ZFR2: variants seen among roughly 807,000 people sequenced by gnomAD.
ZFR2 encodes the protein zinc finger RNA binding protein 2, also known as zinc finger RNA-binding protein 2.
In ZFR2, 104 loss-of-function variants were observed where a neutral mutation model predicts 105.7. The ratio of observed to expected loss-of-function variants is 0.98; its 90% CI spans 0.84 to 1.16. The LOEUF is 1.16. Among genes scored for constraint, ZFR2 ranks in the 50% most tolerant of loss-of-function variants. ZFR2 has a pLI of 0.00. For missense variants in ZFR2, 1,425 were observed against 1,355.5 expected (o/e 1.05, Z -0.80); for synonymous variants, 634 against 597.7 (o/e 1.06, Z -0.89).
At chr19:3,868,222 C>T (rs1423763800) in intron 1 of ZFR2, among the ~76,000 whole-genome samples, 1 of 150,854 alleles carries the variant, frequency 6.6e-6, no homozygotes, top group Non-Finnish European at 1.5e-5. Context: ...GGGGCCAATT[C>T]CTCACCCCTC....
At chr19:3,855,597 TA>T in intron 1 of ZFR2, 1 of 495,384 alleles carries the variant, frequency 2.0e-6, no homozygotes, top group Non-Finnish European at 3.2e-6. Context: ...GTCAGCAAAA[TA>T]ATTCAACGCG....
chr19:3,839,536 C>CA (rs60712587), intron 1 of ZFR2, among the ~76,000 whole-genome samples: 1 of 36,590 alleles, frequency 2.7e-5, no homozygotes. Flanking sequence ...GGGATTCTGT[C>CA]AAAAAAAAAA....
chr19:3,839,160 A>T (rs1305021594), intron 1 of ZFR2, among the ~76,000 whole-genome samples: 1 of 152,104 alleles, frequency 6.6e-6, no homozygotes, highest in Non-Finnish European at 1.5e-5. Context: ...AAACATTCAG[A>T]TTCCACAGAT....
At chr19:3,864,376 A>C (rs2038406919) in intron 1 of ZFR2, among the ~76,000 whole-genome samples, 1 of 88,718 alleles carries the variant, frequency 1.1e-5, no homozygotes, top group Non-Finnish European at 2.3e-5. Context: ...ATCCTGTCTC[A>C]CAAACAAACA....
chr19:3,836,258 C>T (rs964982890), intron 1 of ZFR2, among the ~76,000 whole-genome samples: 1 of 152,080 alleles, frequency 6.6e-6, no homozygotes, highest in African/African-American at 2.4e-5. Flanking sequence ...TATTTTCCAC[C>T]CTTGGCTGGT....
At chr19:3,839,359 C>A (rs2038111072) in intron 1 of ZFR2, among the ~76,000 whole-genome samples, 1 of 151,560 alleles carries the variant, frequency 6.6e-6, no homozygotes, top group Non-Finnish European at 1.5e-5. Context: ...ATGGTGAAAC[C>A]CCGTCTCTAT....
At chr19:3,856,205 G>A (rs1458337198) in intron 1 of ZFR2, among the ~76,000 whole-genome samples, 2 of 152,132 alleles carry the variant, frequency 1.3e-5, no homozygotes, top group Non-Finnish European at 2.9e-5. Flanking sequence ...TGCCTGCCGC[G>A]GGGAAGCCAG....
At position 3,823,079 on chromosome 19, in the gene ZFR2, A is replaced by G. The variant is rs1040323922; in HGVS notation, c.1371+167T>C. Among the ~76,000 whole-genome samples, 5 of 152,214 alleles carry G rather than the reference A, an allele frequency of 3.3e-5. No individual in the cohort carries two copies. The highest frequency in any genetic ancestry group is 2.1e-4 in the South Asian group (1 of 4,832). ...CCAAAATCCGGCACCCAAAGTGTCA[A>G]GCGGGTCTGCACGGGGTTTTGGTCC... is the stretch of plus-strand genomic sequence containing the variant. On this transcript the variant is annotated intron_variant, in intron 8 of 18. Coordinates refer to ENST00000262961, the MANE Select transcript of ZFR2 (RefSeq NM_015174.2). This position sits in a 1 kb window ranked among gnomAD's most constrained non-coding sequence, Gnocchi z 5.4.
In ZFR2 at chr19:3,816,279, T is replaced by C. The variant is rs527478022; in HGVS notation, c.2103+395A>G. ...TTTTTTTTTTGAGACCCAGTCTCGC[T>C]CTGTCGCCCAGGCTGGAGGGCAGCA... is the stretch of plus-strand genomic sequence containing the variant. On this transcript the variant is annotated intron_variant, in intron 13 of 18. Coordinates refer to ENST00000262961, the MANE Select transcript of ZFR2 (RefSeq NM_015174.2). Among the ~76,000 whole-genome samples the C allele has an allele frequency of 1.3e-4, 19 of 142,936 alleles. No homozygotes were observed. In the South Asian group the frequency reaches 2.4e-3, roughly 18 times the overall value. The allele number at this position is 142,936 out of a possible 152,430, so 93.8% of individuals were successfully genotyped here.
chr19:3,865,346 A>AT (rs1468456597), intron 1 of ZFR2, among the ~76,000 whole-genome samples: 1 of 151,850 alleles, frequency 6.6e-6, no homozygotes, highest in Non-Finnish European at 1.5e-5. Flanking sequence ...TACGGTTATC[A>AT]TTTTTTTGTT....
In ZFR2 at chr19:3,827,673, G is replaced by GCAGCCT. The variant is rs2037967033; in HGVS notation, c.853-26_853-21dup. 5.1e-6 allele frequency: 8 copies of GCAGCCT among 1,565,820 alleles called. No individual in the cohort carries two copies. Among genetic ancestry groups the GCAGCCT allele is most frequent in the Non-Finnish European group, 6.9e-6 (8 of 1,156,042 alleles). On this transcript the variant is annotated intron_variant, in intron 5 of 18. Coordinates refer to ENST00000262961, the MANE Select transcript of ZFR2 (RefSeq NM_015174.2). ...GTAGGTCTGCGGCAAGGGGTGAGAG[G>GCAGCCT]CAGCCTGGGCGGGGGTTTGCACACT...
intron 1 of ZFR2, among the ~76,000 whole-genome samples, chr19:3,854,712 C>T (rs765745787): frequency 4.6e-5 from 7 of 152,138 alleles, no homozygotes; most frequent in Non-Finnish European, 1.0e-4. Flanking sequence ...TACATTCTTG[C>T]AGAGAAAAAG....
rs140962413 is a variant in ZFR2, at chr19:3,818,823, A to G, written c.1931+222T>C. 5.0e-3 allele frequency among the ~76,000 whole-genome samples: 765 copies of G among 152,380 alleles called. 2 individuals are homozygous for G. Among genetic ancestry groups the G allele is most frequent in the Non-Finnish European group, 8.3e-3 (563 of 68,038 alleles). On this transcript the variant is annotated intron_variant, in intron 12 of 18. Coordinates refer to ENST00000262961, the MANE Select transcript of ZFR2 (RefSeq NM_015174.2). ...TAGCAAAAGGGAATGCTAAGGCATT[A>G]GAACAGCACGGATCACCCGCTGCAA...
rs749700632 is a variant in ZFR2, at chr19:3,813,802, G to A, written c.2242+18C>T. The A allele has an allele frequency of 1.9e-6, 3 of 1,612,940 alleles. No individual in the cohort carries two copies. Among genetic ancestry groups the A allele is most frequent in the Admixed American group, 3.3e-5 (2 of 59,968 alleles). ...AGCGTGAGGGGGACAGTGGTTGGAA[G>A]GAAGGGCTGGGCCGCACCTGGGTCT... is the stretch of plus-strand genomic sequence containing the variant. On this transcript the variant is annotated intron_variant, in intron 14 of 18. Coordinates refer to ENST00000262961, the MANE Select transcript of ZFR2 (RefSeq NM_015174.2). The surrounding 1 kb of genome is among the most constrained non-coding windows in gnomAD (Gnocchi z 4.4).
chr19:3,819,844 C>T (rs1389854628), intron 11 of ZFR2, among the ~76,000 whole-genome samples: 1 of 62,918 alleles, frequency 1.6e-5, no homozygotes, highest in East Asian at 5.9e-4. Flanking sequence ...CAGAGTGAGA[C>T]TCTGTCTCAA....
At chr19:3,854,873 C>T (rs2038280351) in intron 1 of ZFR2, among the ~76,000 whole-genome samples, 1 of 152,180 alleles carries the variant, frequency 6.6e-6, no homozygotes, top group Non-Finnish European at 1.5e-5. Context: ...AAGTGATCCA[C>T]CTCAGCATCC....
intron 14 of ZFR2, 53 bp from the exon 15 acceptor site, chr19:3,811,419 G>A: frequency 6.6e-7 from 1 of 1,514,980 alleles, no homozygotes; most frequent in Admixed American, 2.0e-5. Context: ...GTCCCGCTCT[G>A]CTGCCGACGG....
rs758836044 is a variant in ZFR2 at position 3,831,670 on chromosome 19, G to T, written c.588C>A (p.Thr196=). 1.3e-6 allele frequency: 2 copies of T among 1,551,628 alleles called. No individual in the cohort carries two copies. Among genetic ancestry groups the T allele is most frequent in the Non-Finnish European group, 1.7e-6 (2 of 1,145,638 alleles). The change falls in exon 4 of 19, where the codon ACC becomes ACA. Residue 196 remains threonine (T), a synonymous_variant. Coordinates refer to ENST00000262961, the MANE Select transcript of ZFR2 (RefSeq NM_015174.2). The part of the protein sequence containing the change: ...YPPPSYNPTC[T]AYTAPSYPNY... Reference sequence around the variant, plus strand: ...GAACGCTGGTCTTACCCGTGTAGGCGGTGCAGGTGGGGTTGTAGGAGGGCG... The same window carrying T: ...GAACGCTGGTCTTACCCGTGTAGGCTGTGCAGGTGGGGTTGTAGGAGGGCG...
chr19:3,811,494 A>T, intron 14 of ZFR2, 128 bp from the exon 15 acceptor site: 1 of 820,154 alleles, frequency 1.2e-6, no homozygotes, highest in Non-Finnish European at 1.9e-6. Flanking sequence ...TCACTGTGTC[A>T]CCCAGGCTGG....
Sources: allele counts gnomAD v4.1 joint callset (sites outside exome capture counted in the v4.1 genomes callset), GRCh38; gene constraint gnomAD v4.1.1; non-coding constraint Gnocchi (gnomAD v3.1); transcripts MANE v1.5; gene names NCBI Gene and HGNC (gene_info 2026-07-23, HGNC 2026-07-21).